CNTN6: variants seen among roughly 807,000 people sequenced by gnomAD.
CNTN6 encodes the protein contactin-6.
CNTN6 carries 137 observed loss-of-function variants against 122.8 expected under a neutral mutation model. That is an observed-to-expected ratio of 1.12 (90% CI 0.97 to 1.29). The LOEUF is 1.29. Among genes scored for constraint, CNTN6 ranks in the 50% most tolerant of loss-of-function variants. The probability of loss-of-function intolerance (pLI) is 0.00; values close to 1 mark genes in which losing one functional copy is unlikely to be tolerated. For missense variants in CNTN6, 1,634 were observed against 1,223.4 expected (o/e 1.34, Z -5.01); for synonymous variants, 570 against 426.0 (o/e 1.34, Z -4.16).
At chr3:1,284,538 T>G (rs1694022218) in intron 5 of CNTN6, among the ~76,000 whole-genome samples, 1 of 152,164 alleles carries the variant, frequency 6.6e-6, no homozygotes, top group African/African-American at 2.4e-5. Context: ...GGGTATTCAC[T>G]CAACAAATAT....
At position 1,300,605 on chromosome 3, in the gene CNTN6, G is replaced by GAA. The variant is rs1441819441; in HGVS notation, c.761+2615_761+2616insAA. On this transcript the variant is annotated intron_variant, in intron 7 of 22. Coordinates refer to ENST00000446702, the MANE Select transcript of CNTN6 (RefSeq NM_001289080.2). The stretch of plus-strand genomic sequence containing the variant: ...AGAAAGAAAGAAAGAAAGAAAGAAA[G>GAA]AGAGAAAGAAAGGAAGAAAAGGAGA... 1.8e-3 allele frequency among the ~76,000 whole-genome samples: 210 copies of GAA among 117,456 alleles called. 1 individual carries two copies. Among genetic ancestry groups the GAA allele is most frequent in the African/African-American group, 0.012 (194 of 16,730 alleles). The allele number at this position is 117,456 out of a possible 152,430, so 77.1% of individuals were successfully genotyped here.
At chr3:1,397,073 C>A (rs770420102) in intron 20 of CNTN6, among the ~76,000 whole-genome samples, 6 of 152,170 alleles carry the variant, frequency 3.9e-5, no homozygotes, top group Non-Finnish European at 7.3e-5. Context: ...TGTTTTCTCA[C>A]ATGATCATCC....
At chr3:1,126,352 A>G (rs969979893) in intron 1 of CNTN6, among the ~76,000 whole-genome samples, 8 of 151,826 alleles carry the variant, frequency 5.3e-5, no homozygotes, top group Non-Finnish European at 1.2e-4. Context: ...AGATTCTCTA[A>G]TTTCCCTCCT....
rs998421899 is a variant in CNTN6 at position 1,327,540 on chromosome 3, A to G, written c.1167A>G (p.Glu389=). The G allele has an allele frequency of 2.5e-6, 4 of 1,610,926 alleles. No homozygotes were observed. The highest frequency in any genetic ancestry group is 3.4e-6 in the Non-Finnish European group (4 of 1,178,122). The part of the protein sequence containing the change: ...SDSGVYQCAA[E]NKYQIIYANA... ...CTGGTGTGTACCAATGTGCTGCAGA[A>G]AACAAATATCAGATAATTTATGCAA... Residue 389 remains glutamate (E), a synonymous_variant, in exon 10 of 23, where the codon GAA becomes GAG. Coordinates refer to ENST00000446702, the MANE Select transcript of CNTN6 (RefSeq NM_001289080.2).
chr3:1,301,112 C>A (rs1459479639), intron 7 of CNTN6, among the ~76,000 whole-genome samples: 1 of 146,532 alleles, frequency 6.8e-6, no homozygotes, highest in Non-Finnish European at 1.5e-5. Flanking sequence ...TCTCGGCTCA[C>A]TGCAACCTCC....
At chr3:1,202,418 T>C (rs752830918) in intron 2 of CNTN6, among the ~76,000 whole-genome samples, 97 of 152,054 alleles carry the variant, frequency 6.4e-4, no homozygotes, top group Non-Finnish European at 1.1e-3. Context: ...CGGGCGCCTG[T>C]AGTCCCAGCT....
chr3:1,277,170 C>CTACACTCAAG (rs572525111), intron 4 of CNTN6, among the ~76,000 whole-genome samples: 200 of 152,144 alleles, frequency 1.3e-3, no homozygotes, highest in African/African-American at 4.6e-3. Context: ...CAATTTCAGT[C>CTACACTCAAG]TACACTCAAG....
intron 10 of CNTN6, among the ~76,000 whole-genome samples, chr3:1,328,019 C>A (rs181442152): frequency 2.6e-5 from 4 of 151,964 alleles, no homozygotes; most frequent in Admixed American, 1.3e-4. Context: ...AAATCCTTTA[C>A]ACCTTCCCTT....
intron 2 of CNTN6, among the ~76,000 whole-genome samples, chr3:1,180,614 T>C (rs1460323688): frequency 6.6e-6 from 1 of 152,212 alleles, no homozygotes; most frequent in East Asian, 1.9e-4. Context: ...GATCAGCTAA[T>C]TGGAAAGAGC....
At chr3:1,374,414 T>C (rs1402231019) in intron 16 of CNTN6, among the ~76,000 whole-genome samples, 2 of 152,142 alleles carry the variant, frequency 1.3e-5, no homozygotes, top group Admixed American at 6.6e-5. Context: ...TAAAATGTTG[T>C]AGCCAGGAAT....
chr3:1,388,506 C>T (rs1396274235), intron 20 of CNTN6, among the ~76,000 whole-genome samples: 2 of 151,590 alleles, frequency 1.3e-5, no homozygotes, highest in African/African-American at 2.4e-5. Context: ...CGCAGAGCGC[C>T]TCTCCTCCTC....
intron 8 of CNTN6, 150 bp from the exon 9 acceptor site, chr3:1,325,665 C>G: frequency 1.6e-6 from 1 of 629,514 alleles, no homozygotes. Context: ...CATTGAAGCT[C>G]CTGCATGTCC....
At chr3:1,349,494 A>G (rs1425326128) in intron 11 of CNTN6, among the ~76,000 whole-genome samples, 1 of 151,844 alleles carries the variant, frequency 6.6e-6, no homozygotes, top group South Asian at 2.1e-4. Context: ...GAGATAAAGT[A>G]TCTTTTTTGC....
At chr3:1,317,211 T>A (rs1700208577) in intron 7 of CNTN6, among the ~76,000 whole-genome samples, 1 of 151,758 alleles carries the variant, frequency 6.6e-6, no homozygotes, top group Non-Finnish European at 1.5e-5. Flanking sequence ...AAAAGGTTTT[T>A]ATCATTATTT....
chr3:1,284,816 G>A (rs1463758528), intron 5 of CNTN6, among the ~76,000 whole-genome samples: 1 of 152,224 alleles, frequency 6.6e-6, no homozygotes, highest in Non-Finnish European at 1.5e-5. Flanking sequence ...AGGCAGTTCA[G>A]GTGGAGGAAA....
intron 2 of CNTN6, among the ~76,000 whole-genome samples, chr3:1,156,808 C>A (rs72999821): frequency 0.15 from 22,713 of 151,902 alleles, 1,954 homozygotes; most frequent in East Asian, 0.31. Context: ...GGCTTGACCT[C>A]CTAGGCTTAA....
At chr3:1,198,174 T>C (rs1234121584) in intron 2 of CNTN6, among the ~76,000 whole-genome samples, 1 of 152,100 alleles carries the variant, frequency 6.6e-6, no homozygotes, top group Non-Finnish European at 1.5e-5. Context: ...AAGAACTGCC[T>C]ATTAATAAAA....
rs1202524684 is a variant in CNTN6, at chr3:1,154,452, T to TTTTTTTTTTTTG, written c.55+6397_55+6398insTTTGTTTTTTTT. On this transcript the variant is annotated intron_variant, in intron 2 of 22. Transcript: ENST00000446702. The stretch of plus-strand genomic sequence containing the variant: ...TATTTTTCTTTTCTTTTCTTTCTTT[T>TTTTTTTTTTTTG]TTTTTTTTGAGGTGGAGTTTTGCTC... Among the ~76,000 whole-genome samples the TTTTTTTTTTTTG allele has an allele frequency of 5.6e-4, 84 of 151,004 alleles. 1 individual carries two copies. The highest frequency in any genetic ancestry group is 1.9e-3 in the African/African-American group (78 of 40,766).
chr3:1,306,863 CAGA>C (rs1467503461), intron 7 of CNTN6, among the ~76,000 whole-genome samples: 1 of 152,140 alleles, frequency 6.6e-6, no homozygotes, highest in African/African-American at 2.4e-5. Flanking sequence ...GGGACTTCCC[CAGA>C]AGAATAGATT....
Sources: gnomAD v4.1 joint callset for allele counts (sites outside exome capture counted in the v4.1 genomes callset) on GRCh38, gnomAD v4.1.1 for gene constraint, MANE v1.5 for transcripts, NCBI Gene and HGNC (gene_info 2026-07-23, HGNC 2026-07-21) for gene names.